Variants in FHIP1B observed in about 807,000 individuals in gnomAD.
The protein encoded by FHIP1B is FHF complex subunit HOOK interacting protein 1B.
FHIP1B carries 28 observed loss-of-function variants against 82.2 expected under a neutral mutation model. The observed-to-expected ratio is 0.34, with a 90% CI of 0.25 to 0.47. The LOEUF (loss-of-function observed/expected upper bound fraction) is 0.47, where lower values mean the gene tolerates loss of function less well. FHIP1B is among the 20% of genes least tolerant of loss of function. The pLI is 1.00. For missense variants in FHIP1B, 1,110 were observed against 1,262.6 expected (o/e 0.88, Z 1.83); for synonymous variants, 585 against 516.1 (o/e 1.13, Z -1.81).
rs548392681 is a variant in FHIP1B, at chr11:6,227,515, A to G, written c.-191-2808T>C. Among the ~76,000 whole-genome samples, 32 of 152,344 alleles carry G rather than the reference A, an allele frequency of 2.1e-4. 1 individual carries two copies. The highest frequency in any genetic ancestry group is 3.4e-3 in the Middle Eastern group (1 of 294). On this transcript the variant is annotated intron_variant, in intron 1 of 11. Transcript: ENST00000449352. ...CAGACTAGAAACACATAAGAAGGGGAATTGTGTTTTAGAAAAGAGGTTGAG... is the reference window on the plus strand; with the variant it reads ...CAGACTAGAAACACATAAGAAGGGGGATTGTGTTTTAGAAAAGAGGTTGAG...
chr11:6,217,406 CGCAAAGG>C lies in FHIP1B; in HGVS notation c.2173_2179del (p.Pro725GlyfsTer37). ...CTGGCTTGGCAGCTGGTTGAGAGTC[CGCAAAGG>C]GCTGCTGAGGAAGGGGCCAGGGGGC... On this transcript the variant is annotated frameshift_variant, in exon 9 of 12. Coordinates refer to ENST00000449352, the MANE Select transcript of FHIP1B (RefSeq NM_001098794.2). LOFTEE classifies it high-confidence loss of function. 1 of 1,614,064 alleles carries C rather than the reference CGCAAAGG, an allele frequency of 6.2e-7. No homozygotes were observed. Among genetic ancestry groups the C allele is most frequent in the Non-Finnish European group, 8.5e-7 (1 of 1,180,008 alleles).
intron 7 of FHIP1B, 87 bp downstream of exon 7, chr11:6,218,884 A>G: frequency 6.4e-7 from 1 of 1,562,182 alleles, no homozygotes; most frequent in Non-Finnish European, 8.8e-7. Flanking sequence ...ACTCATGAGT[A>G]ACCCCTATAT....
intron 7 of FHIP1B, 23 bp from the exon 8 acceptor site, chr11:6,218,786 G>C: frequency 6.2e-7 from 1 of 1,613,030 alleles, no homozygotes; most frequent in South Asian, 1.1e-5. Flanking sequence ...TCAGAAAGGG[G>C]ACACAGGGTA....
intron 9 of FHIP1B, chr11:6,215,213 C>T (rs1847192168): frequency 7.7e-6 from 2 of 260,796 alleles, no homozygotes; most frequent in African/African-American, 4.4e-5. Context: ...TTGGACAGGT[C>T]AAAATTGTCC....
intron 11 of FHIP1B, among the ~76,000 whole-genome samples, chr11:6,213,937 G>A (rs1166655871): frequency 7.3e-6 from 1 of 136,290 alleles, no homozygotes; most frequent in African/African-American, 2.8e-5. Flanking sequence ...TCTACTCTGA[G>A]AAATTCAGCT....
At chr11:6,224,776 C>T (rs1847517466) in intron 1 of FHIP1B, 69 bp from the exon 2 acceptor site, 1 of 482,054 alleles carries the variant, frequency 2.1e-6, no homozygotes, top group African/African-American at 2.0e-5. Context: ...AACCACCACT[C>T]CACTGAAAAC....
intron 11 of FHIP1B, among the ~76,000 whole-genome samples, chr11:6,213,389 C>A (rs905509078): frequency 6.6e-6 from 1 of 152,230 alleles, no homozygotes; most frequent in African/African-American, 2.4e-5. Context: ...GCTCTCTCCT[C>A]ATTTTCCTCA....
chr11:6,223,361 C>A lies in FHIP1B; in HGVS notation c.778-123G>T. 1 of 1,124,038 alleles carries A rather than the reference C, an allele frequency of 8.9e-7. No homozygotes were observed. Among genetic ancestry groups the A allele is most frequent in the Non-Finnish European group, 1.2e-6 (1 of 800,200 alleles). 69.6% of individuals were successfully genotyped at this position (1,124,038 alleles called of 1,614,324 possible). ...GGGTATAAGCTATTACCAAAGCAAG[C>A]ATTTGCCTACCCAATGTGCCTGAAA... On this transcript the variant is annotated intron_variant, in intron 3 of 11. Coordinates refer to ENST00000449352, the MANE Select transcript of FHIP1B (RefSeq NM_001098794.2). This position sits in a 1 kb window ranked among gnomAD's most constrained non-coding sequence, Gnocchi z 4.8.
At chr11:6,217,076 C>T (rs893218222) in intron 9 of FHIP1B, 16 of 702,558 alleles carry the variant, frequency 2.3e-5, no homozygotes, top group Non-Finnish European at 3.6e-5. Flanking sequence ...ATCCTAATTA[C>T]AAATCGCAGG....
In FHIP1B at chr11:6,218,741, C is replaced by G; in HGVS notation, c.1294G>C (p.Val432Leu). ...VLRYLVPCNHVMLSQKPAVRD... is the reference protein window; with the variant it reads ...VLRYLVPCNHLMLSQKPAVRD... ...ACAGCCGGCTTCTGGCTCAGCATAA[C>G]GTGGTTACATGGAACAAGATACCTG... The change falls in exon 8 of 12, where the codon GTT (valine) becomes CTT (leucine). Residue 432 changes from valine to leucine, a missense_variant. Physicochemically the swap from Val to Leu is conservative, Grantham distance 32. Coordinates refer to ENST00000449352, the MANE Select transcript of FHIP1B (RefSeq NM_001098794.2). 6.2e-7 allele frequency: 1 copy of G among 1,614,036 alleles called. No homozygotes were observed. Among genetic ancestry groups the G allele is most frequent in the Non-Finnish European group, 8.5e-7 (1 of 1,180,024 alleles).
intron 9 of FHIP1B, 89 bp from the exon 10 acceptor site, chr11:6,215,000 C>G: frequency 7.9e-7 from 1 of 1,267,748 alleles, no homozygotes; most frequent in African/African-American, 1.5e-5. Flanking sequence ...GAGACCCCCA[C>G]CAGATGAAAA....
At chr11:6,226,174 T>C (rs1191531955) in intron 1 of FHIP1B, among the ~76,000 whole-genome samples, 1 of 152,134 alleles carries the variant, frequency 6.6e-6, no homozygotes, top group African/African-American at 2.4e-5. Context: ...AATATCTCCC[T>C]TCACCCAGAT....
chr11:6,224,502 A>G lies in FHIP1B; in HGVS notation c.15T>C (p.Asn5=), dbSNP rs1402806641. MERM[N]WLSRLASRGP... is the part of the protein sequence containing the mutation. Reference sequence around the variant, plus strand: ...CCCGGGAGGCCAGTCTGCTCAGCCAATTCATCCTCTCCATGAGGCAGGCTG... The same window carrying G: ...CCCGGGAGGCCAGTCTGCTCAGCCAGTTCATCCTCTCCATGAGGCAGGCTG... Residue 5 remains asparagine, a synonymous_variant, in exon 2 of 12, where the codon AAT becomes AAC. Coordinates refer to ENST00000449352, the MANE Select transcript of FHIP1B (RefSeq NM_001098794.2). 3.1e-6 allele frequency: 5 copies of G among 1,612,920 alleles called. No homozygotes were observed. Among genetic ancestry groups the G allele is most frequent in the Admixed American group, 3.3e-5 (2 of 59,880 alleles).
Position 6,224,195 on chromosome 11 carries a change from G to A in FHIP1B, c.192C>T (p.Asp64=), listed in dbSNP as rs139888870. 2.3e-5 allele frequency: 37 copies of A among 1,612,580 alleles called. No individual in the cohort carries two copies. The highest frequency in any genetic ancestry group is 3.3e-4 in the Middle Eastern group (2 of 6,078). ...TGTGGTTGCGCACAGCACTGAGATCGTCTGCACCCCCAGGAGCTGCCCGAG... is the reference window on the plus strand; with the variant it reads ...TGTGGTTGCGCACAGCACTGAGATCATCTGCACCCCCAGGAGCTGCCCGAG... ...QGPRAAPGGA[D]DLSAVRNHTY... Residue 64 remains aspartate, a synonymous_variant, in exon 3 of 12, where the codon GAC becomes GAT. Coordinates refer to ENST00000449352, the MANE Select transcript of FHIP1B (RefSeq NM_001098794.2).
intron 1 of FHIP1B, among the ~76,000 whole-genome samples, chr11:6,231,226 A>G (rs2133851784): frequency 6.6e-6 from 1 of 152,350 alleles, no homozygotes; most frequent in East Asian, 1.9e-4. Context: ...CTAGCAAATG[A>G]TTGAATGCAG....
chr11:6,227,688 A>C (rs1847597973), intron 1 of FHIP1B, among the ~76,000 whole-genome samples: 1 of 151,578 alleles, frequency 6.6e-6, no homozygotes, highest in Admixed American at 6.6e-5. Flanking sequence ...ACAACTATGA[A>C]GCTATGGAAG....
At chr11:6,226,895 T>C (rs924298383) in intron 1 of FHIP1B, among the ~76,000 whole-genome samples, 4 of 152,246 alleles carry the variant, frequency 2.6e-5, no homozygotes, top group Non-Finnish European at 4.4e-5. Flanking sequence ...TGGATTGCAG[T>C]GGACAATTTA....
chr11:6,228,519 TA>T (rs1847621856), intron 1 of FHIP1B, among the ~76,000 whole-genome samples: 1 of 152,124 alleles, frequency 6.6e-6, no homozygotes, highest in Admixed American at 6.5e-5. Flanking sequence ...TAAATGGCAT[TA>T]AAATCGGGTA....
At chr11:6,234,266 G>T (rs923344438) in intron 1 of FHIP1B, among the ~76,000 whole-genome samples, 1 of 151,894 alleles carries the variant, frequency 6.6e-6, no homozygotes, top group South Asian at 2.1e-4. Context: ...TAGTCCCAGG[G>T]TATCCTTCAC....
Sources: allele counts gnomAD v4.1 joint callset (sites outside exome capture counted in the v4.1 genomes callset), GRCh38; gene constraint gnomAD v4.1.1; non-coding constraint Gnocchi (gnomAD v3.1); transcripts MANE v1.5; gene names NCBI Gene and HGNC (gene_info 2026-07-23, HGNC 2026-07-21).